Variants in TASP1 observed in about 807,000 individuals in gnomAD.
The protein encoded by TASP1 is threonine aspartase 1.
TASP1 carries 16 observed loss-of-function variants against 56.6 expected under a neutral mutation model. That is an observed-to-expected ratio of 0.28 (90% CI 0.19 to 0.43). The LOEUF (loss-of-function observed/expected upper bound fraction) is 0.43, where lower values mean the gene tolerates loss of function less well. TASP1 is among the 20% of genes least tolerant of loss of function. The pLI is 1.00. For missense variants in TASP1, 393 were observed against 511.6 expected, an observed-to-expected ratio of 0.77 and a Z score of 2.24; for synonymous variants, 179 against 184.2, an observed-to-expected ratio of 0.97 and a Z score of 0.23.
chr20:13,598,909 CAACA>C (rs2047847745), intron 4 of TASP1, among the ~76,000 whole-genome samples: 1 of 152,080 alleles, frequency 6.6e-6, no homozygotes, highest in Admixed American at 6.5e-5. Flanking sequence ...TTTATGCAGC[CAACA>C]GACACATGAA....
At chr20:13,424,539 TC>T (rs2042555604) in intron 12 of TASP1, among the ~76,000 whole-genome samples, 2 of 151,798 alleles carry the variant, frequency 1.3e-5, no homozygotes, top group Admixed American at 1.3e-4. Flanking sequence ...GACCATGAAC[TC>T]CAGCAACACG....
At chr20:13,362,295 T>TAA in the TASP1 span, among the ~76,000 whole-genome samples, 1 of 151,896 alleles carries the variant, frequency 6.6e-6, no homozygotes, top group Non-Finnish European at 1.5e-5. Flanking sequence ...TGCACGTATA[T>TAA]GCCCAGATGG....
rs1600179953 is a variant in TASP1 at position 13,618,274 on chromosome 20, G to C, written c.282+5172C>G. ...AAAACACAAAAAAAATTAGCCAGGTGTGGTGGCGCACGCCTGTAGTCCCAA... is the reference window on the plus strand; with the variant it reads ...AAAACACAAAAAAAATTAGCCAGGTCTGGTGGCGCACGCCTGTAGTCCCAA... On this transcript the variant is annotated intron_variant, in intron 4 of 13. Coordinates refer to ENST00000337743, the MANE Select transcript of TASP1 (RefSeq NM_017714.3). Among the ~76,000 whole-genome samples the C allele has an allele frequency of 2.6e-5, 4 of 152,182 alleles. 1 individual carries two copies. Among genetic ancestry groups the C allele is most frequent in the Admixed American group, 2.6e-4 (4 of 15,274 alleles).
the TASP1 span, among the ~76,000 whole-genome samples, chr20:13,383,237 C>T: frequency 6.6e-6 from 1 of 152,132 alleles, no homozygotes; most frequent in African/African-American, 2.4e-5. Context: ...AGGTGACTGT[C>T]AGGACAAGAG....
At chr20:13,412,332 A>C (rs770839692) in intron 13 of TASP1, among the ~76,000 whole-genome samples, 6 of 152,198 alleles carry the variant, frequency 3.9e-5, no homozygotes, top group Non-Finnish European at 5.9e-5. Context: ...CAGGGAATAA[A>C]GCAATCAGAG....
intron 4 of TASP1, among the ~76,000 whole-genome samples, chr20:13,588,512 G>A (rs1029756989): frequency 6.6e-6 from 1 of 152,004 alleles, no homozygotes; most frequent in African/African-American, 2.4e-5. Flanking sequence ...AAATCAATTG[G>A]ATTTTTATAT....
the TASP1 span, among the ~76,000 whole-genome samples, chr20:13,105,104 G>A: frequency 6.6e-6 from 1 of 152,060 alleles, no homozygotes; most frequent in Admixed American, 6.6e-5. Flanking sequence ...TTAAATCTGC[G>A]GGTTTGTAAC....
At chr20:13,502,186 A>T (rs1046621919) in intron 10 of TASP1, among the ~76,000 whole-genome samples, 2 of 152,122 alleles carry the variant, frequency 1.3e-5, no homozygotes, top group Non-Finnish European at 2.9e-5. Context: ...TCTGTGCATC[A>T]TCTCTTTATT....
the TASP1 span, among the ~76,000 whole-genome samples, chr20:13,222,517 C>G: frequency 6.6e-6 from 1 of 152,196 alleles, no homozygotes; most frequent in South Asian, 2.1e-4. Context: ...CTTGTGCCCC[C>G]TTGGTCATGG....
intron 8 of TASP1, among the ~76,000 whole-genome samples, chr20:13,539,509 C>G (rs1287554879): frequency 6.6e-6 from 1 of 152,116 alleles, no homozygotes; most frequent in Non-Finnish European, 1.5e-5. Context: ...ATCGTCACAC[C>G]ACTGCACTCC....
chr20:13,368,567 G>T, the TASP1 span: 2 of 152,218 alleles, frequency 1.3e-5, no homozygotes, highest in African/African-American at 4.8e-5. Flanking sequence ...CCTGCCACAG[G>T]CAGAGCAGTC....
intron 13 of TASP1, among the ~76,000 whole-genome samples, chr20:13,394,339 G>T (rs753436816): frequency 7.0e-6 from 1 of 143,824 alleles, no homozygotes; most frequent in African/African-American, 2.8e-5. Context: ...GGCCTGGTGC[G>T]GTAGCTCACG....
chr20:13,594,875 A>AT (rs1568627143), intron 4 of TASP1, among the ~76,000 whole-genome samples: 4 of 152,214 alleles, frequency 2.6e-5, no homozygotes, highest in Non-Finnish European at 4.4e-5. Context: ...AATACAGAGA[A>AT]CACCACAAAG....
the TASP1 span, among the ~76,000 whole-genome samples, chr20:13,293,571 A>G: frequency 4.0e-5 from 6 of 151,616 alleles, no homozygotes; most frequent in African/African-American, 1.5e-4. Flanking sequence ...TCAAATGCCT[A>G]TTGGGGTCAG....
At chr20:13,476,446 T>A (rs529438092) in intron 11 of TASP1, among the ~76,000 whole-genome samples, 21 of 152,334 alleles carry the variant, frequency 1.4e-4, no homozygotes, top group Non-Finnish European at 2.8e-4. Flanking sequence ...AGATTATTTG[T>A]AGTCAGAAGA....
chr20:13,261,075 G>C, the TASP1 span, among the ~76,000 whole-genome samples: 1 of 152,282 alleles, frequency 6.6e-6, no homozygotes, highest in Admixed American at 6.5e-5. Context: ...AGGCACAAGT[G>C]CTTTTCAAGT....
At chr20:13,583,563 A>G (rs1476522457) in intron 5 of TASP1, among the ~76,000 whole-genome samples, 1 of 152,218 alleles carries the variant, frequency 6.6e-6, no homozygotes, top group Non-Finnish European at 1.5e-5. Context: ...TTTTACCCAG[A>G]CTAATACAAT....
the TASP1 span, among the ~76,000 whole-genome samples, chr20:13,321,253 T>TAAAAAAA: frequency 4.3e-4 from 25 of 57,510 alleles, no homozygotes; most frequent in African/African-American, 1.3e-3. Context: ...GTGCCCCACA[T>TAAAAAAA]AAAAAAAAAA....
At chr20:13,362,295 T>TATAA in the TASP1 span, among the ~76,000 whole-genome samples, 9 of 151,898 alleles carry the variant, frequency 5.9e-5, no homozygotes, top group Admixed American at 4.6e-4. Flanking sequence ...TGCACGTATA[T>TATAA]GCCCAGATGG....
Sources: allele counts gnomAD v4.1 joint callset (sites outside exome capture counted in the v4.1 genomes callset), GRCh38; gene constraint gnomAD v4.1.1; transcripts MANE v1.5; gene names NCBI Gene and HGNC (gene_info 2026-07-23, HGNC 2026-07-21).